Variants in ITGA9 observed in about 807,000 individuals in gnomAD.
The protein encoded by ITGA9 is integrin alpha-9.
A neutral mutation model predicts 127.8 loss-of-function variants in ITGA9; 56 were observed. The ratio of observed to expected loss-of-function variants is 0.44; its 90% CI spans 0.35 to 0.55. The LOEUF (loss-of-function observed/expected upper bound fraction) is 0.55. Ranked by LOEUF, ITGA9 falls within the 20% of genes least tolerant of loss-of-function variation. The pLI, the probability that ITGA9 is intolerant of heterozygous loss-of-function variation, is 0.00. For synonymous variants in ITGA9, 508 were observed against 514.5 expected, an observed-to-expected ratio of 0.99 and a Z score of 0.17; for missense variants, 1,196 against 1,347.1, an observed-to-expected ratio of 0.89 and a Z score of 1.76.
Position 37,452,804 on chromosome 3 carries a change from G to C in ITGA9, c.185+245G>C, listed in dbSNP as rs559632625. ...GGGGGCGTCCGGGTGCCTCCCTGGG[G>C]TCCCAGCCCAGAGCGTGGGGGGAGA... On this transcript the variant is annotated intron_variant, in intron 1 of 27. Transcript: ENST00000264741. This position sits in a 1 kb window ranked among gnomAD's most constrained non-coding sequence, Gnocchi z 7.3. 2.3e-3 allele frequency among the ~76,000 whole-genome samples: 350 copies of C among 152,268 alleles called. No homozygotes were observed. The highest frequency in any genetic ancestry group is 8.3e-3 in the African/African-American group (346 of 41,582).
intron 15 of ITGA9, among the ~76,000 whole-genome samples, chr3:37,561,971 A>G (rs60515947): frequency 0.036 from 5,540 of 152,278 alleles, 224 homozygotes; most frequent in African/African-American, 0.1. Flanking sequence ...CCTCTGTGCC[A>G]CAAATAATGC....
At chr3:37,730,504 C>A (rs1696275035) in intron 18 of ITGA9, among the ~76,000 whole-genome samples, 1 of 152,200 alleles carries the variant, frequency 6.6e-6, no homozygotes, top group Admixed American at 6.5e-5. Flanking sequence ...AATGCCTGTT[C>A]TCTAGGTTCT....
chr3:37,503,077 T>TA, intron 5 of ITGA9, 101 bp from the exon 6 acceptor site: 1 of 1,381,228 alleles, frequency 7.2e-7, no homozygotes, highest in East Asian at 2.3e-5. Context: ...AAGTTCTTGG[T>TA]GTGAGGAATT....
chr3:37,653,019 G>C (rs2125647104), intron 16 of ITGA9, among the ~76,000 whole-genome samples: 1 of 152,316 alleles, frequency 6.6e-6, no homozygotes, highest in African/African-American at 2.4e-5. Flanking sequence ...CAAGCTCTCT[G>C]GAAATATTTG....
At chr3:37,706,753 A>T (rs188150197) in intron 18 of ITGA9, among the ~76,000 whole-genome samples, 1 of 152,320 alleles carries the variant, frequency 6.6e-6, no homozygotes, top group East Asian at 1.9e-4. Flanking sequence ...AGAACATCTA[A>T]GGCATATCAT....
At chr3:37,703,158 T>TA (rs2125673876) in intron 18 of ITGA9, among the ~76,000 whole-genome samples, 1 of 152,354 alleles carries the variant, frequency 6.6e-6, no homozygotes, top group South Asian at 2.1e-4. Flanking sequence ...TTTGGTTTAT[T>TA]ACAGCAGAAA....
At chr3:37,750,390 T>C (rs1164159259) in intron 22 of ITGA9, 72 bp from the exon 23 acceptor site, 17 of 904,912 alleles carry the variant, frequency 1.9e-5, no homozygotes, top group Non-Finnish European at 3.0e-5. Flanking sequence ...TCTTAGAATA[T>C]ATATTGCATG....
chr3:37,694,637 C>T (rs946946052), intron 18 of ITGA9, among the ~76,000 whole-genome samples: 5 of 152,134 alleles, frequency 3.3e-5, no homozygotes, highest in Non-Finnish European at 7.3e-5. Context: ...AGGACGTTTC[C>T]CAGAGCCGCA....
In ITGA9 at chr3:37,518,091, C is replaced by CGTGT. The variant is rs1491416800; in HGVS notation, c.1141+483_1141+484insTGTG. On this transcript the variant is annotated intron_variant, in intron 10 of 27. Transcript: ENST00000264741. ...AGCTAGATTGACTTTTGAGAGTGTA[C>CGTGT]GCGTGTGTGTGTGTGTGTGTGTGTG... Among the ~76,000 whole-genome samples the CGTGT allele has an allele frequency of 5.8e-3, 301 of 51,872 alleles. 3 individuals carry two copies. Among genetic ancestry groups the CGTGT allele is most frequent in the African/African-American group, 0.018 (290 of 16,092 alleles). The allele number at this position is 51,872 out of a possible 152,430, so 34.0% of individuals were successfully genotyped here.
chr3:37,485,641 G>A (rs1698602273), intron 4 of ITGA9, among the ~76,000 whole-genome samples: 1 of 152,144 alleles, frequency 6.6e-6, no homozygotes, highest in Non-Finnish European at 1.5e-5. Flanking sequence ...CGGTTTGGTT[G>A]CAGAGACTCT....
At chr3:37,641,757 C>A (rs1575177701) in intron 16 of ITGA9, among the ~76,000 whole-genome samples, 2 of 152,300 alleles carry the variant, frequency 1.3e-5, no homozygotes, top group East Asian at 3.9e-4. Context: ...ATACTGCATT[C>A]CCACCACCCT....
intron 23 of ITGA9, among the ~76,000 whole-genome samples, chr3:37,767,136 C>T (rs1696788748): frequency 6.6e-6 from 1 of 152,206 alleles, no homozygotes; most frequent in Admixed American, 6.5e-5. Context: ...TTGTTTTAGC[C>T]AAACCCTAAA....
At chr3:37,818,797 A>C in intron 27 of ITGA9, 94 bp from the exon 28 acceptor site, 1 of 879,292 alleles carries the variant, frequency 1.1e-6, no homozygotes, top group South Asian at 1.4e-5. Flanking sequence ...CTGTGAGTGC[A>C]GGTCACACCT....
rs554856445 is a variant in ITGA9, at chr3:37,512,376, C to T, written c.898-1387C>T. Among the ~76,000 whole-genome samples, 341 of 151,324 alleles carry T rather than the reference C, an allele frequency of 2.3e-3. 3 individuals are homozygous for T. Among genetic ancestry groups the T allele is most frequent in the African/African-American group, 7.5e-3 (309 of 41,158 alleles). On this transcript the variant is annotated intron_variant, in intron 8 of 27. Transcript: ENST00000264741. ...CTGGGATTACAGGTGCCTGCCACCA[C>T]GCCTGGCTAATTTTTGTATTTTTAG... is the stretch of plus-strand genomic sequence containing the variant.
chr3:37,738,334 C>T (rs1334429872), intron 20 of ITGA9, among the ~76,000 whole-genome samples: 3 of 152,194 alleles, frequency 2.0e-5, no homozygotes, highest in Admixed American at 2.0e-4. Flanking sequence ...GGCAGTGAGG[C>T]TGTCCATGGG....
intron 15 of ITGA9, among the ~76,000 whole-genome samples, chr3:37,607,449 G>A (rs1699979013): frequency 6.6e-6 from 1 of 152,154 alleles, no homozygotes; most frequent in South Asian, 2.1e-4. Context: ...CAAGCTTCAT[G>A]GTAGGATGGG....
chr3:37,767,634 AAGCCAGAGCCCCTCAT>A (rs1184254824), intron 23 of ITGA9, among the ~76,000 whole-genome samples: 2 of 152,338 alleles, frequency 1.3e-5, no homozygotes, highest in African/African-American at 4.8e-5. Flanking sequence ...GGACTGTCCA[AAGCCAGAGCCCCTCAT>A]ATTAGCCTAG....
intron 18 of ITGA9, among the ~76,000 whole-genome samples, chr3:37,693,475 A>C (rs761399983): frequency 6.6e-6 from 1 of 152,180 alleles, no homozygotes; most frequent in Non-Finnish European, 1.5e-5. Flanking sequence ...GTGATTCTTC[A>C]GATTATATCT....
chr3:37,779,656 T>C (rs1215727744), intron 24 of ITGA9, among the ~76,000 whole-genome samples: 5 of 152,112 alleles, frequency 3.3e-5, no homozygotes, highest in Non-Finnish European at 5.9e-5. Context: ...CAATTCTTGG[T>C]AGGATAAATT....
Sources: gnomAD v4.1 joint callset for allele counts (sites outside exome capture counted in the v4.1 genomes callset) on GRCh38, gnomAD v4.1.1 for gene constraint, Gnocchi (gnomAD v3.1) non-coding constraint, MANE v1.5 for transcripts, NCBI Gene and HGNC (gene_info 2026-07-23, HGNC 2026-07-21) for gene names.